The following APBA1 variants were observed in gnomAD, a reference collection of about 807,000 sequenced individuals.
APBA1 encodes amyloid-beta A4 precursor protein-binding family A member 1.
APBA1 carries 55 observed loss-of-function variants against 86.6 expected under a neutral mutation model. That is an observed-to-expected ratio of 0.64 (90% confidence interval 0.51 to 0.80). The LOEUF (loss-of-function observed/expected upper bound fraction) is 0.80. Among genes scored for constraint, APBA1 ranks in the 30% least tolerant of loss-of-function variants. APBA1 has a pLI of 0.00. For missense variants in APBA1, 1,090 were observed against 1,183.0 expected (o/e 0.92, Z 1.15); for synonymous variants, 511 against 493.9 (o/e 1.03, Z -0.46).
intron 2 of APBA1, among the ~76,000 whole-genome samples, chr9:69,484,188 T>C (rs1167758651): frequency 2.6e-5 from 4 of 152,140 alleles, no homozygotes; most frequent in Non-Finnish European, 4.4e-5. Context: ...CATTTCCTAT[T>C]TCTCAATTGC....
chr9:69,647,286 T>C (rs1201633136), intron 1 of APBA1, among the ~76,000 whole-genome samples: 1 of 152,214 alleles, frequency 6.6e-6, no homozygotes, highest in African/African-American at 2.4e-5. Context: ...TCACAAAATA[T>C]ATGAAAAGAA....
intron 2 of APBA1, among the ~76,000 whole-genome samples, chr9:69,493,951 G>GT (rs911841307): frequency 6.6e-6 from 1 of 151,910 alleles, no homozygotes; most frequent in Non-Finnish European, 1.5e-5. Flanking sequence ...CATTAGAATT[G>GT]TTTTTAAAAA....
chr9:69,598,813 T>G (rs978622787), intron 1 of APBA1, among the ~76,000 whole-genome samples: 2 of 152,216 alleles, frequency 1.3e-5, no homozygotes, highest in Non-Finnish European at 1.5e-5. Context: ...TAGTCCGCCA[T>G]GAAGGAAGAT....
intron 1 of APBA1, among the ~76,000 whole-genome samples, chr9:69,581,681 A>G (rs1366243430): frequency 3.3e-5 from 5 of 152,192 alleles, no homozygotes; most frequent in African/African-American, 1.2e-4. Flanking sequence ...ACAATGCCCT[A>G]GGGAATAAGC....
At chr9:69,611,748 G>C (rs1367170596) in intron 1 of APBA1, among the ~76,000 whole-genome samples, 1 of 152,170 alleles carries the variant, frequency 6.6e-6, no homozygotes, top group African/African-American at 2.4e-5. Context: ...ATTTATTTGT[G>C]TGTGGGTATG....
intron 1 of APBA1, among the ~76,000 whole-genome samples, chr9:69,648,948 T>C (rs1382238849): frequency 1.3e-5 from 2 of 152,156 alleles, no homozygotes; most frequent in African/African-American, 2.4e-5. Context: ...CATCTTCCAC[T>C]CCTTATTTCA....
intron 8 of APBA1, among the ~76,000 whole-genome samples, chr9:69,452,734 T>C (rs796699987): frequency 2.0e-5 from 3 of 152,344 alleles, no homozygotes; most frequent in African/African-American, 7.2e-5. Flanking sequence ...ATGGCTCTAA[T>C]ACACATCGAA....
chr9:69,568,635 A>T (rs1414085770), intron 1 of APBA1, among the ~76,000 whole-genome samples: 3 of 152,190 alleles, frequency 2.0e-5, no homozygotes, highest in Admixed American at 2.0e-4. Flanking sequence ...CATATAAATC[A>T]TTTATGATGT....
At chr9:69,487,580 T>C (rs1413148531) in intron 2 of APBA1, among the ~76,000 whole-genome samples, 1 of 152,026 alleles carries the variant, frequency 6.6e-6, no homozygotes, top group East Asian at 1.9e-4. Flanking sequence ...ATGAGAGCTC[T>C]ACCCTCATGA....
intron 1 of APBA1, among the ~76,000 whole-genome samples, chr9:69,600,209 G>A (rs1205417640): frequency 2.0e-5 from 3 of 152,222 alleles, no homozygotes; most frequent in Admixed American, 2.0e-4. Flanking sequence ...GGCAGGGAGA[G>A]CATAGGCTGT....
At chr9:69,531,430 A>C (rs1836432110) in intron 1 of APBA1, among the ~76,000 whole-genome samples, 1 of 152,208 alleles carries the variant, frequency 6.6e-6, no homozygotes, top group Non-Finnish European at 1.5e-5. Flanking sequence ...CCTGGTCCTC[A>C]GTCTCCCAAG....
chr9:69,522,068 T>TACACACAC lies in APBA1; in HGVS notation c.-69-4797_-69-4790dup, dbSNP rs9314700. The stretch of plus-strand genomic sequence containing the variant: ...TCTCACACATACTCACACCATTTTA[T>TACACACAC]ACACACACACACACACACATATATA... On this transcript the variant is annotated intron_variant, in intron 1 of 12. Transcript: ENST00000265381. Among the ~76,000 whole-genome samples, 809 of 149,538 alleles carry TACACACAC rather than the reference T, an allele frequency of 5.4e-3. 6 individuals carry two copies. The highest frequency in any genetic ancestry group is 9.2e-3 in the African/African-American group (373 of 40,564).
In APBA1 at chr9:69,597,203, C is replaced by T. The variant is rs1439092094; in HGVS notation, c.-70+74950G>A. 2.0e-5 allele frequency among the ~76,000 whole-genome samples: 3 copies of T among 152,168 alleles called. No homozygotes were observed. The South Asian group carries it at 6.2e-4, about 31-fold the overall frequency. ...TTGTTTCCTGACTTTTTAATGATTG[C>T]CATTCTAACTGGTGTGAGATAGTAT... On this transcript the variant is annotated intron_variant, in intron 1 of 12. Coordinates refer to ENST00000265381, the MANE Select transcript of APBA1 (RefSeq NM_001163.4).
At chr9:69,642,895 A>G (rs1013650290) in intron 1 of APBA1, among the ~76,000 whole-genome samples, 1 of 151,970 alleles carries the variant, frequency 6.6e-6, no homozygotes, top group African/African-American at 2.4e-5. Context: ...CCAGCCTTCC[A>G]GCTTGCTCTG....
At chr9:69,484,602 A>C (rs1835577191) in intron 2 of APBA1, among the ~76,000 whole-genome samples, 1 of 152,134 alleles carries the variant, frequency 6.6e-6, no homozygotes, top group Admixed American at 6.5e-5. Flanking sequence ...ATCTTGCTGA[A>C]GCTTCCGCAG....
At chr9:69,636,971 GAAAGAAAGAAAGAAAA>G (rs147637422) in intron 1 of APBA1, among the ~76,000 whole-genome samples, 26 of 151,066 alleles carry the variant, frequency 1.7e-4, no homozygotes, top group Admixed American at 2.6e-4. Context: ...AAGAAAGAAA[GAAAGAAAGAAAGAAAA>G]ATGTGATACA....
In APBA1 at chr9:69,546,508, C is replaced by A. The variant is rs115166057; in HGVS notation, c.-69-29229G>T. On this transcript the variant is annotated intron_variant, in intron 1 of 12. Coordinates refer to ENST00000265381, the MANE Select transcript of APBA1 (RefSeq NM_001163.4). ...CTAATGGCTTCCACGGTCACAGATC[C>A]ATTCCTAGGGTCTGGCCATCCTCTT... 8.9e-3 allele frequency among the ~76,000 whole-genome samples: 1,353 copies of A among 152,298 alleles called. 19 individuals carry two copies. Among genetic ancestry groups the A allele is most frequent in the African/African-American group, 0.031 (1,286 of 41,554 alleles).
At chr9:69,527,232 A>G (rs1208210391) in intron 1 of APBA1, among the ~76,000 whole-genome samples, 1 of 152,110 alleles carries the variant, frequency 6.6e-6, no homozygotes, top group Non-Finnish European at 1.5e-5. Context: ...AAAAGTTGAC[A>G]TTTTAAAAAA....
intron 8 of APBA1, among the ~76,000 whole-genome samples, chr9:69,453,107 T>G (rs1272119399): frequency 6.6e-6 from 1 of 152,228 alleles, no homozygotes. Context: ...TTAATACATA[T>G]TGTAATATGG....
Sources: gnomAD v4.1 joint callset for allele counts (sites outside exome capture counted in the v4.1 genomes callset) on GRCh38, gnomAD v4.1.1 for gene constraint, MANE v1.5 for transcripts, NCBI Gene and HGNC (gene_info 2026-07-23, HGNC 2026-07-21) for gene names.